Variants in ASXL3 observed in about 807,000 individuals in gnomAD.
ASXL3 encodes the protein putative Polycomb group protein ASXL3.
A neutral mutation model predicts 170.6 loss-of-function variants in ASXL3; 34 were observed. That is an observed-to-expected ratio of 0.20 (90% CI 0.15 to 0.27). ASXL3 has a LOEUF of 0.27. ASXL3 is among the 10% of genes least tolerant of loss of function. ASXL3 has a pLI of 1.00. For missense variants in ASXL3, 2,592 were observed against 2,695.3 expected, an observed-to-expected ratio of 0.96 and a Z score of 0.85; for synonymous variants, 1,002 against 989.1, an observed-to-expected ratio of 1.01 and a Z score of -0.24.
intron 1 of ASXL3, among the ~76,000 whole-genome samples, chr18:33,582,100 C>G (rs73955157): frequency 0.055 from 8,388 of 152,170 alleles, 766 homozygotes; most frequent in African/African-American, 0.19. Flanking sequence ...ATCTGCTCTT[C>G]TAAGGTTGTA....
chr18:33,740,244 A>C lies in ASXL3; in HGVS notation c.2840A>C (p.Lys947Thr), dbSNP rs1473016321. ...ACTTCCAAGTCATCAGAGCCCTCCAAGTCACCTGATGGGATAAGAAATGAA... is the reference window on the plus strand; with the variant it reads ...ACTTCCAAGTCATCAGAGCCCTCCACGTCACCTGATGGGATAAGAAATGAA... ...SHTSKSSEPS[K>T]SPDGIRNESR... The change falls in exon 11 of 12, where the codon AAG (lysine) becomes ACG (threonine). Residue 947 changes from lysine to threonine, a missense_variant. Around this residue, in one of 4 missense-constraint regions of ASXL3, gnomAD observed 2,246 missense variants for 2,219.6 expected, o/e 1.01. Coordinates refer to ENST00000269197, the MANE Select transcript of ASXL3 (RefSeq NM_030632.3). 1 of 1,613,800 alleles carries C rather than the reference A, an allele frequency of 6.2e-7. No individual in the cohort carries two copies. Among genetic ancestry groups the C allele is most frequent in the Admixed American group, 1.7e-5 (1 of 59,988 alleles).
intron 1 of ASXL3, among the ~76,000 whole-genome samples, chr18:33,587,861 G>A (rs912794192): frequency 8.6e-5 from 13 of 151,768 alleles, no homozygotes; most frequent in African/African-American, 2.4e-4. Context: ...TATAAAAGTC[G>A]GCTGATTATT....
intron 2 of ASXL3, 36 bp from the exon 3 acceptor site, chr18:33,644,858 C>A (rs944693619): frequency 7.3e-7 from 1 of 1,374,368 alleles, no homozygotes. Context: ...AGCTGTACCT[C>A]AGACTGCTTC....
intron 8 of ASXL3, among the ~76,000 whole-genome samples, chr18:33,714,595 C>T (rs764955502): frequency 1.3e-5 from 2 of 152,132 alleles, no homozygotes; most frequent in African/African-American, 2.4e-5. Context: ...TTATTGCTCT[C>T]GTATTTCCCA....
intron 1 of ASXL3, among the ~76,000 whole-genome samples, chr18:33,593,207 T>C (rs2065093409): frequency 6.6e-6 from 1 of 151,154 alleles, no homozygotes; most frequent in Non-Finnish European, 1.5e-5. Flanking sequence ...ACTGTAACAA[T>C]ACTTCTTTCT....
chr18:33,745,557 G>T lies in ASXL3; in HGVS notation c.5709G>T (p.Ser1903=). 3.7e-6 allele frequency: 6 copies of T among 1,613,944 alleles called. No individual in the cohort carries two copies. The highest frequency in any genetic ancestry group is 5.1e-6 in the Non-Finnish European group (6 of 1,179,886). The part of the protein sequence containing the change: ...EVKQQKRLLP[S]CSFQQNLFHV... The stretch of plus-strand genomic sequence containing the variant: ...AACAGCAAAAGCGGCTGCTCCCCTC[G>T]TGTAGCTTCCAGCAGAACCTATTTC... Residue 1903 remains serine, a synonymous_variant, in exon 12 of 12, where the codon TCG becomes TCT. Coordinates refer to ENST00000269197, the MANE Select transcript of ASXL3 (RefSeq NM_030632.3).
chr18:33,644,964 T>C lies in ASXL3; in HGVS notation c.208T>C (p.Phe70Leu). The change falls in exon 3 of 12, where the codon TTC becomes CTC. Residue 70 changes from phenylalanine to leucine, a missense_variant. Physicochemically the swap from Phe to Leu is conservative, Grantham distance 22. Around this residue, in one of 4 missense-constraint regions of ASXL3, gnomAD observed 251 missense variants for 281.9 expected, o/e 0.89. Coordinates refer to ENST00000269197, the MANE Select transcript of ASXL3 (RefSeq NM_030632.3). ...TNTRIGDGTF[F>L]KIPGKSGLYA... ...CACTCGAATAGGGGATGGAACATTC[T>C]TCAAAATCCCTGGAAAGTCAGGCCT... 1 of 1,578,394 alleles carries C rather than the reference T, an allele frequency of 6.3e-7. No homozygotes were observed. The highest frequency in any genetic ancestry group is 8.6e-7 in the Non-Finnish European group (1 of 1,160,196).
intron 6 of ASXL3, 73 bp downstream of exon 6, chr18:33,670,863 T>C: frequency 9.8e-7 from 1 of 1,020,582 alleles, no homozygotes; most frequent in African/African-American, 1.7e-5. Flanking sequence ...AGAGATGTCA[T>C]GATTTTTTTT....
intron 8 of ASXL3, among the ~76,000 whole-genome samples, chr18:33,691,793 G>A (rs1034039789): frequency 6.6e-6 from 1 of 152,114 alleles, no homozygotes; most frequent in Non-Finnish European, 1.5e-5. Flanking sequence ...GGCCGGGTCC[G>A]GAAAGATACA....
Position 33,745,925 on chromosome 18 carries a change from C to T in ASXL3, c.6077C>T (p.Pro2026Leu), listed in dbSNP as rs1568369312. Reference protein sequence around the residue: ...HPPPPPPPPPPPPLALPPPPP... With the variant: ...HPPPPPPPPPLPPLALPPPPP... ...CCGCCGCCACCGCCTCCCCCTCCCCCTCCACCCTTGGCTTTGCCCCCGCCT... is the reference window on the plus strand; with the variant it reads ...CCGCCGCCACCGCCTCCCCCTCCCCTTCCACCCTTGGCTTTGCCCCCGCCT... The change falls in exon 12 of 12, where the codon CCT (proline) becomes CTT (leucine). Residue 2026 changes from proline to leucine, a missense_variant. Transcript: ENST00000269197. 13 of 1,564,214 alleles carry T rather than the reference C, an allele frequency of 8.3e-6. No homozygotes were observed. In the South Asian group the frequency reaches 1.2e-4, roughly 14 times the overall value.
chr18:33,693,329 AAG>A (rs1308267388), intron 8 of ASXL3, among the ~76,000 whole-genome samples: 5 of 152,184 alleles, frequency 3.3e-5, no homozygotes, highest in East Asian at 1.9e-4. Flanking sequence ...TTTAAGATGG[AAG>A]AGAGAGGATT....
chr18:33,608,950 A>G, intron 2 of ASXL3: 1 of 870,868 alleles, frequency 1.1e-6, no homozygotes, highest in Non-Finnish European at 1.4e-6. Flanking sequence ...CTATGCTCAA[A>G]TTTTCATTTT....
At chr18:33,606,320 C>G (rs1021333059) in intron 1 of ASXL3, among the ~76,000 whole-genome samples, 5 of 151,528 alleles carry the variant, frequency 3.3e-5, no homozygotes, top group Non-Finnish European at 7.4e-5. Flanking sequence ...TTTCTGTATT[C>G]TTTTAATAAT....
chr18:33,591,638 C>CT (rs370020953), intron 1 of ASXL3, among the ~76,000 whole-genome samples: 412 of 141,320 alleles, frequency 2.9e-3, no homozygotes, highest in Non-Finnish European at 3.5e-3. Flanking sequence ...AATGACACTA[C>CT]TTTTTTTTTT....
At chr18:33,616,842 A>G (rs2065430639) in intron 2 of ASXL3, 1 of 152,162 alleles carries the variant, frequency 6.6e-6, no homozygotes, top group East Asian at 1.9e-4. Context: ...CTCTTCTTAT[A>G]AGGACACCAA....
intron 11 of ASXL3, among the ~76,000 whole-genome samples, chr18:33,741,263 A>G (rs1002329177): frequency 3.9e-5 from 6 of 152,162 alleles, no homozygotes; most frequent in African/African-American, 1.2e-4. Flanking sequence ...AGTCATATGG[A>G]CTTTATGTAA....
intron 8 of ASXL3, among the ~76,000 whole-genome samples, chr18:33,713,708 T>C (rs2067119462): frequency 6.6e-6 from 1 of 152,230 alleles, no homozygotes; most frequent in South Asian, 2.1e-4. Context: ...GATAACTGCA[T>C]GTATACATCA....
chr18:33,668,974 A>G (rs1191203299), intron 5 of ASXL3, among the ~76,000 whole-genome samples: 1 of 152,088 alleles, frequency 6.6e-6, no homozygotes, highest in Non-Finnish European at 1.5e-5. Context: ...GTTTAAATAT[A>G]TGCTATAAAG....
intron 8 of ASXL3, among the ~76,000 whole-genome samples, chr18:33,684,022 G>A (rs192392740): frequency 6.6e-6 from 1 of 152,212 alleles, no homozygotes; most frequent in South Asian, 2.1e-4. Context: ...GTATGAATAT[G>A]ATTGCCTATA....
Sources: allele counts gnomAD v4.1 joint callset (sites outside exome capture counted in the v4.1 genomes callset), GRCh38; gene constraint gnomAD v4.1.1; regional missense constraint gnomAD v4.1.1; transcripts MANE v1.5; gene names NCBI Gene and HGNC (gene_info 2026-07-23, HGNC 2026-07-21).